MCPH1: variants seen among roughly 807,000 people sequenced by gnomAD.
MCPH1 encodes microcephalin 1, also known as microcephalin.
In MCPH1, 104 loss-of-function variants were observed where a neutral mutation model predicts 84.5. The observed-to-expected ratio is 1.23, with a 90% CI of 1.05 to 1.45. The LOEUF (loss-of-function observed/expected upper bound fraction) is 1.45. Ranked by LOEUF, MCPH1 falls within the 40% of genes most tolerant of loss-of-function variation. The pLI, the probability that MCPH1 is intolerant of heterozygous loss-of-function variation, is 0.00. For missense variants in MCPH1, 1,498 were observed against 1,005.7 expected (o/e 1.49, Z -6.62); for synonymous variants, 514 against 366.8 (o/e 1.40, Z -4.58).
In MCPH1 at chr8:6,555,188, G is replaced by T. The variant is rs528213276; in HGVS notation, c.2214+55259G>T. Among the ~76,000 whole-genome samples the T allele has an allele frequency of 4.6e-5, 7 of 152,104 alleles. No homozygotes were observed. The East Asian group carries it at 1.4e-3, about 29-fold the overall frequency. Reference sequence around the variant, plus strand: ...TTTTAAGCATTAACATAATCCAAGTGCCAGGCCATTTTTGGTGATCCAGTC... The same window carrying T: ...TTTTAAGCATTAACATAATCCAAGTTCCAGGCCATTTTTGGTGATCCAGTC... On this transcript the variant is annotated intron_variant, in intron 12 of 13. Transcript: ENST00000344683.
chr8:6,445,531 C>T lies in MCPH1; in HGVS notation c.1809C>T (p.Pro603=), dbSNP rs757697166. 25 of 1,603,708 alleles carry T rather than the reference C, an allele frequency of 1.6e-5. No individual in the cohort carries two copies. In the East Asian group the frequency reaches 2.5e-4, roughly 16 times the overall value. Reference sequence around the variant, plus strand: ...CTACAGAAGAGAAGGAAAACTTACCCGGAGGATACAGTGGAAGTATGTGAA... The same window carrying T: ...CTACAGAAGAGAAGGAAAACTTACCTGGAGGATACAGTGGAAGTATGTGAA... ...ETSTEEKENL[P]GGYSGSVKNR... Residue 603 remains proline, a synonymous_variant, in exon 8 of 14, where the codon CCC becomes CCT. Coordinates refer to ENST00000344683, the MANE Select transcript of MCPH1 (RefSeq NM_024596.5).
At chr8:6,579,187 C>G (rs62496900) in intron 12 of MCPH1, among the ~76,000 whole-genome samples, 1 of 152,212 alleles carries the variant, frequency 6.6e-6, no homozygotes, top group East Asian at 1.9e-4. Flanking sequence ...TAGCCTCTAG[C>G]CCTCTTCATC....
chr8:6,472,432 C>A (rs1285397199), intron 9 of MCPH1, among the ~76,000 whole-genome samples: 1 of 152,016 alleles, frequency 6.6e-6, no homozygotes, highest in Non-Finnish European at 1.5e-5. Context: ...TTTTTATTTT[C>A]CAGGTATGTC....
intron 12 of MCPH1, chr8:6,519,778 G>A (rs1816957883): frequency 1.0e-5 from 15 of 1,502,878 alleles, no homozygotes; most frequent in Non-Finnish European, 1.4e-5. Flanking sequence ...AGATCTTTGG[G>A]GAGAGACTTC....
intron 12 of MCPH1, chr8:6,503,326 C>T: frequency 6.4e-7 from 1 of 1,567,426 alleles, no homozygotes; most frequent in Admixed American, 1.7e-5. Context: ...ACGAAGACAG[C>T]AATACTCAGC....
chr8:6,622,039 C>T (rs1266597999), intron 13 of MCPH1: 3 of 387,468 alleles, frequency 7.7e-6, no homozygotes, highest in African/African-American at 2.1e-5. Context: ...CCCAGTGCCT[C>T]CTTGTCCTGC....
chr8:6,596,302 G>T (rs1379106675), intron 12 of MCPH1, among the ~76,000 whole-genome samples: 1 of 152,198 alleles, frequency 6.6e-6, no homozygotes, highest in Non-Finnish European at 1.5e-5. Flanking sequence ...GGTGCAGTGA[G>T]CTCTGGCGTT....
intron 13 of MCPH1, chr8:6,626,238 C>T: frequency 1.0e-6 from 1 of 985,384 alleles, no homozygotes; most frequent in Non-Finnish European, 1.2e-6. Flanking sequence ...GGTGTGAAGT[C>T]ACTCAACAGG....
intron 12 of MCPH1, among the ~76,000 whole-genome samples, chr8:6,549,881 A>C (rs550217815): frequency 3.3e-4 from 51 of 152,336 alleles, no homozygotes; most frequent in African/African-American, 1.2e-3. Flanking sequence ...ATATCTAAAA[A>C]AAGAAAAGAA....
intron 12 of MCPH1, among the ~76,000 whole-genome samples, chr8:6,573,900 G>T (rs1055162393): frequency 1.3e-5 from 2 of 152,182 alleles, no homozygotes; most frequent in African/African-American, 4.8e-5. Flanking sequence ...ACAATGAATT[G>T]TTCTAAGGTG....
chr8:6,611,585 C>A (rs988680511), intron 12 of MCPH1, among the ~76,000 whole-genome samples: 1 of 152,234 alleles, frequency 6.6e-6, no homozygotes, highest in Non-Finnish European at 1.5e-5. Flanking sequence ...GTGTGTTCAA[C>A]CCCAAAGCTC....
intron 12 of MCPH1, among the ~76,000 whole-genome samples, chr8:6,617,932 T>TATCTATCTATCTATC (rs1554481051): frequency 1.3e-5 from 2 of 151,884 alleles, no homozygotes; most frequent in Admixed American, 6.6e-5. Flanking sequence ...TCTATCTATC[T>TATCTATCTATCTATC]ATCTATCTAT....
At chr8:6,633,353 C>G (rs1435241498) in intron 13 of MCPH1, among the ~76,000 whole-genome samples, 1 of 152,188 alleles carries the variant, frequency 6.6e-6, no homozygotes, top group Non-Finnish European at 1.5e-5. Flanking sequence ...GATCCACTCA[C>G]TGAAATCTTT....
At chr8:6,524,365 T>C (rs1256073643) in intron 12 of MCPH1, among the ~76,000 whole-genome samples, 1 of 152,266 alleles carries the variant, frequency 6.6e-6, no homozygotes, top group African/African-American at 2.4e-5. Flanking sequence ...CACTAGCTTT[T>C]CTGCGAAGGC....
chr8:6,485,092 C>T (rs145468166), intron 11 of MCPH1, among the ~76,000 whole-genome samples: 275 of 152,114 alleles, frequency 1.8e-3, no homozygotes, highest in African/African-American at 6.2e-3. Context: ...TTTTGGAGGC[C>T]GAGGCGTGTG....
chr8:6,549,331 TAA>T (rs1198899121), intron 12 of MCPH1, among the ~76,000 whole-genome samples: 1 of 152,066 alleles, frequency 6.6e-6, no homozygotes, highest in African/African-American at 2.4e-5. Flanking sequence ...ACAGAAATAA[TAA>T]AAGAGACCAA....
In MCPH1 at chr8:6,445,499, G is replaced by A. The variant is rs890221901; in HGVS notation, c.1777G>A (p.Glu593Lys). The change falls in exon 8 of 14, where the codon GAG (glutamate) becomes AAG (lysine). Residue 593 changes from glutamate to lysine, a missense_variant. By Grantham distance (56) the Glu-to-Lys change is moderately conservative. Coordinates refer to ENST00000344683, the MANE Select transcript of MCPH1 (RefSeq NM_024596.5). ...EPCFIVDCNM[E>K]TSTEEKENLP... ...ATGTTTTATAGTTGACTGTAACATG[G>A]AGACGTCTACAGAAGAGAAGGAAAA... 1.9e-6 allele frequency: 3 copies of A among 1,613,168 alleles called. No homozygotes were observed. Among genetic ancestry groups the A allele is most frequent in the African/African-American group, 2.7e-5 (2 of 74,818 alleles).
intron 3 of MCPH1, among the ~76,000 whole-genome samples, chr8:6,424,281 CA>C (rs1800715496): frequency 6.6e-6 from 1 of 152,334 alleles, no homozygotes; most frequent in African/African-American, 2.4e-5. Context: ...CATTTTTAAA[CA>C]ACTGCAAACT....
At chr8:6,485,276 G>A (rs1435423524) in intron 11 of MCPH1, among the ~76,000 whole-genome samples, 1 of 151,798 alleles carries the variant, frequency 6.6e-6, no homozygotes, top group African/African-American at 2.4e-5. Context: ...AGTGAGCCGA[G>A]ATCACGCCAC....
Sources: allele counts gnomAD v4.1 joint callset (sites outside exome capture counted in the v4.1 genomes callset), GRCh38; gene constraint gnomAD v4.1.1; transcripts MANE v1.5; gene names NCBI Gene and HGNC (gene_info 2026-07-23, HGNC 2026-07-21).